The following LDLRAD4 variants were observed in gnomAD, a reference collection of about 807,000 sequenced individuals.
The protein encoded by LDLRAD4 is low-density lipoprotein receptor class A domain-containing protein 4.
A neutral mutation model predicts 17.0 loss-of-function variants in LDLRAD4; 5 were observed. The observed-to-expected ratio is 0.29, with a 90% CI of 0.15 to 0.62. The LOEUF (loss-of-function observed/expected upper bound fraction) is 0.62. Ranked by LOEUF, LDLRAD4 falls within the 20% of genes least tolerant of loss-of-function variation. The probability of loss-of-function intolerance (pLI) is 0.84; values close to 1 mark genes in which losing one functional copy is unlikely to be tolerated. For missense variants in LDLRAD4, 340 were observed against 424.7 expected (o/e 0.80, Z 1.75); for synonymous variants, 168 against 171.8 (o/e 0.98, Z 0.17).
chr18:13,474,843 G>A (rs1476829054), intron 3 of LDLRAD4, among the ~76,000 whole-genome samples: 1 of 152,234 alleles, frequency 6.6e-6, no homozygotes, highest in Non-Finnish European at 1.5e-5. Context: ...GAGGACTCAG[G>A]CTGACCCAGG....
At chr18:13,473,681 C>T (rs1229280327) in intron 3 of LDLRAD4, among the ~76,000 whole-genome samples, 5 of 46,852 alleles carry the variant, frequency 1.1e-4, no homozygotes, top group African/African-American at 2.0e-4. Context: ...ATATATATAA[C>T]GTTTACATTT....
At chr18:13,391,994 T>C (rs2086310206) in intron 2 of LDLRAD4, among the ~76,000 whole-genome samples, 1 of 152,262 alleles carries the variant, frequency 6.6e-6, no homozygotes, top group Non-Finnish European at 1.5e-5. Context: ...ATGAACACCT[T>C]TGTGCATAAA....
chr18:13,537,658 A>G (rs921856802), intron 3 of LDLRAD4, among the ~76,000 whole-genome samples: 1 of 152,162 alleles, frequency 6.6e-6, no homozygotes, highest in Non-Finnish European at 1.5e-5. Flanking sequence ...CCCCTGCCGT[A>G]CAGTATAGCC....
intron 1 of LDLRAD4, among the ~76,000 whole-genome samples, chr18:13,344,925 T>G (rs1490538474): frequency 6.6e-6 from 1 of 152,242 alleles, no homozygotes; most frequent in Non-Finnish European, 1.5e-5. Context: ...TTTTGCACAT[T>G]GATTTTGTAT....
At chr18:13,222,585 C>T (rs761790910) in intron 1 of LDLRAD4, among the ~76,000 whole-genome samples, 5 of 152,314 alleles carry the variant, frequency 3.3e-5, no homozygotes, top group Admixed American at 6.5e-5. Context: ...GGCTGGGCGC[C>T]GCTCATGGGC....
At chr18:13,335,341 C>T (rs1368466046) in intron 1 of LDLRAD4, among the ~76,000 whole-genome samples, 1 of 152,146 alleles carries the variant, frequency 6.6e-6, no homozygotes, top group Non-Finnish European at 1.5e-5. Context: ...TACTGTCATA[C>T]TGTTAGATAT....
At chr18:13,304,594 G>T (rs566964031) in intron 1 of LDLRAD4, among the ~76,000 whole-genome samples, 2 of 152,304 alleles carry the variant, frequency 1.3e-5, no homozygotes, top group African/African-American at 4.8e-5. Context: ...GAGGAATGAG[G>T]CCAGGCAGCC....
chr18:13,295,316 C>CA (rs1335113422), intron 1 of LDLRAD4, among the ~76,000 whole-genome samples: 2 of 152,176 alleles, frequency 1.3e-5, no homozygotes, highest in African/African-American at 4.8e-5. Flanking sequence ...GGGATGGCCT[C>CA]AAAGTTGATT....
At chr18:13,642,595 C>T in intron 4 of LDLRAD4, 1 of 1,229,112 alleles carries the variant, frequency 8.1e-7, no homozygotes, top group East Asian at 3.2e-5. Flanking sequence ...TCGGAAAGGG[C>T]CGTCCACCTG....
At chr18:13,261,565 C>G (rs2043816014) in intron 1 of LDLRAD4, among the ~76,000 whole-genome samples, 1 of 152,188 alleles carries the variant, frequency 6.6e-6, no homozygotes. Context: ...GGTTGTATCC[C>G]TAACCTCAGC....
chr18:13,454,994 A>T (rs566683783), intron 3 of LDLRAD4, among the ~76,000 whole-genome samples: 11 of 152,354 alleles, frequency 7.2e-5, no homozygotes, highest in Admixed American at 7.2e-4. Flanking sequence ...GGATGATCAC[A>T]ACCCTGCAAA....
Position 13,499,752 on chromosome 18 carries a change from C to T in LDLRAD4, c.181+61368C>T, listed in dbSNP as rs138352519. The stretch of plus-strand genomic sequence containing the variant: ...ACTGGAGAATCCTTTTTGCCACACA[C>T]GTCCAGCCGTGGACACTGGAGAATC... On this transcript the variant is annotated intron_variant, in intron 3 of 5. Transcript: ENST00000359446. Among the ~76,000 whole-genome samples the T allele has an allele frequency of 1.1e-3, 163 of 152,268 alleles. No homozygotes were observed. In the East Asian group the frequency reaches 0.02, roughly 18 times the overall value.
chr18:13,647,029 AAG>A, exon 6 of LDLRAD4: 1 of 152,288 alleles, frequency 6.6e-6, no homozygotes, highest in South Asian at 2.1e-4. Context: ...AGCATTCTTA[AAG>A]GAATGCAGTG....
intron 1 of LDLRAD4, among the ~76,000 whole-genome samples, chr18:13,384,157 G>A (rs548983928): frequency 5.3e-5 from 8 of 152,232 alleles, no homozygotes; most frequent in African/African-American, 1.4e-4. Flanking sequence ...GATTGGTGGG[G>A]GTGATTAAGC....
intron 1 of LDLRAD4, among the ~76,000 whole-genome samples, chr18:13,271,345 C>T (rs531194576): frequency 6.6e-5 from 10 of 152,276 alleles, no homozygotes; most frequent in Non-Finnish European, 1.2e-4. Flanking sequence ...TGACGTTAGG[C>T]GTTCAGTGCC....
chr18:13,327,826 C>T (rs184556052), intron 1 of LDLRAD4, among the ~76,000 whole-genome samples: 6 of 152,274 alleles, frequency 3.9e-5, no homozygotes, highest in African/African-American at 1.2e-4. Context: ...TGTCACGAGC[C>T]ATATCCCCTG....
intron 1 of LDLRAD4, among the ~76,000 whole-genome samples, chr18:13,325,761 T>C (rs2081496223): frequency 6.6e-6 from 1 of 151,886 alleles, no homozygotes; most frequent in Admixed American, 6.5e-5. Context: ...TTTTTCCTTT[T>C]TTTTTTTTTG....
At chr18:13,341,621 C>A (rs1054590081) in intron 1 of LDLRAD4, among the ~76,000 whole-genome samples, 16 of 152,014 alleles carry the variant, frequency 1.1e-4, no homozygotes, top group Non-Finnish European at 2.2e-4. Context: ...AATTCTAACA[C>A]TTTTTTTAAA....
At chr18:13,447,612 A>G (rs934616324) in intron 3 of LDLRAD4, among the ~76,000 whole-genome samples, 1 of 152,218 alleles carries the variant, frequency 6.6e-6, no homozygotes, top group Non-Finnish European at 1.5e-5. Context: ...CCCACTTCAG[A>G]TGAAATTTAT....
Sources: allele counts gnomAD v4.1 joint callset (sites outside exome capture counted in the v4.1 genomes callset), GRCh38; gene constraint gnomAD v4.1.1; transcripts MANE v1.5; gene names NCBI Gene and HGNC (gene_info 2026-07-23, HGNC 2026-07-21).